Variants in CNOT9 observed in about 807,000 individuals in gnomAD.
CNOT9 encodes CCR4-NOT transcription complex subunit 9, also known as RCD1 required for cell differentiation1 homolog.
In CNOT9, 8 loss-of-function variants were observed where a neutral mutation model predicts 37.4. That is an observed-to-expected ratio of 0.21 (90% confidence interval 0.13 to 0.39). CNOT9 has a LOEUF of 0.39. CNOT9 is among the 10% of genes least tolerant of loss of function. The pLI, the probability that CNOT9 is intolerant of heterozygous loss-of-function variation, is 1.00. For synonymous variants in CNOT9, 120 were observed against 137.6 expected, an observed-to-expected ratio of 0.87 and a Z score of 0.90; for missense variants, 154 against 365.3, an observed-to-expected ratio of 0.42 and a Z score of 4.71.
At chr2:218,569,206 G>C (rs1426921273) in intron 1 of CNOT9, among the ~76,000 whole-genome samples, 1 of 152,138 alleles carries the variant, frequency 6.6e-6, no homozygotes, top group Non-Finnish European at 1.5e-5. Context: ...CGTTCTTTGC[G>C]GGCGCCGGGG....
At chr2:218,588,588 C>CTTTTT (rs1172484260) in intron 5 of CNOT9, among the ~76,000 whole-genome samples, 2,086 of 33,446 alleles carry the variant, frequency 0.062, 711 homozygotes, top group African/African-American at 0.11. Context: ...TCCACCCGGC[C>CTTTTT]TTTTTTTTTT....
chr2:218,595,497 G>A lies in CNOT9; in HGVS notation c.*1221G>A, dbSNP rs540931868. The A allele has an allele frequency of 1.6e-5, 2 of 128,150 alleles. No homozygotes were observed. The highest frequency in any genetic ancestry group is 3.1e-5 in the Non-Finnish European group (2 of 64,264). 7.9% of individuals were successfully genotyped at this position (128,150 alleles called of 1,614,324 possible). On this transcript the variant is annotated 3_prime_UTR_variant, in exon 8 of 8. Transcript: ENST00000273064. ...GCTAAAATATTCACTTGTTCATATC[G>A]TGTCAGAGATTTCCTCTTCTCTGGA... is the stretch of plus-strand genomic sequence containing the variant.
In CNOT9 at chr2:218,569,013, T is replaced by G. The variant is rs567417580; in HGVS notation, c.24+35T>G. 2.5e-5 allele frequency: 40 copies of G among 1,609,544 alleles called. No homozygotes were observed. In the South Asian group the frequency reaches 4.0e-4, roughly 16 times the overall value. On this transcript the variant is annotated intron_variant, in intron 1 of 7. Coordinates refer to ENST00000273064, the MANE Select transcript of CNOT9 (RefSeq NM_005444.3). ...TGGGCCCCCAGGCTTGGAACCAGAATCCTTTCTCAGACCCACGTTTCGGCC... is the reference window on the plus strand; with the variant it reads ...TGGGCCCCCAGGCTTGGAACCAGAAGCCTTTCTCAGACCCACGTTTCGGCC...
At chr2:218,581,089 G>A (rs1694357054) in intron 2 of CNOT9, 1 of 468,452 alleles carries the variant, frequency 2.1e-6, no homozygotes, top group Non-Finnish European at 4.3e-6. Flanking sequence ...GGAGGAAGGT[G>A]GAAAGTAGAG....
intron 1 of CNOT9, among the ~76,000 whole-genome samples, chr2:218,579,999 T>G (rs973667199): frequency 6.9e-6 from 1 of 145,650 alleles, no homozygotes; most frequent in East Asian, 2.1e-4. Context: ...TTTTTTTTTT[T>G]GCTCTGTCGC....
Position 218,582,960 on chromosome 2 carries a change from C to T in CNOT9, c.205-11C>T. 1 of 1,488,008 alleles carries T rather than the reference C, an allele frequency of 6.7e-7. No homozygotes were observed. Among genetic ancestry groups the T allele is most frequent in the African/African-American group, 1.4e-5 (1 of 71,872 alleles). 92.2% of individuals were successfully genotyped at this position (1,488,008 alleles called of 1,614,324 possible). A position where few individuals can be genotyped will look rare whatever the true frequency, so the allele number is the denominator to read the frequency against. The stretch of plus-strand genomic sequence containing the variant: ...TTCCTTATTCATCTGATGCTGATTT[C>T]CATTTTTTAGGAAATTGTAAATATT... On this transcript the variant is annotated splice_polypyrimidine_tract_variant and intron_variant, in intron 2 of 7. Coordinates refer to ENST00000273064, the MANE Select transcript of CNOT9 (RefSeq NM_005444.3).
chr2:218,590,054 G>GT lies in CNOT9; in HGVS notation c.541-2239dup, dbSNP rs71064464. On this transcript the variant is annotated intron_variant, in intron 5 of 7. Coordinates refer to ENST00000273064, the MANE Select transcript of CNOT9 (RefSeq NM_005444.3). ...GTTGGTAGAAATATTGCTTTTTTCTGTTTTTTTTTTTGTTGTTGTTGTTTT... is the reference window on the plus strand; with the variant it reads ...GTTGGTAGAAATATTGCTTTTTTCTGTTTTTTTTTTTTGTTGTTGTTGTTTT... 1.9e-3 allele frequency among the ~76,000 whole-genome samples: 275 copies of GT among 146,978 alleles called. 1 individual carries two copies. The highest frequency in any genetic ancestry group is 3.2e-3 in the African/African-American group (125 of 39,548).
At chr2:218,569,242 A>T (rs978308730) in intron 1 of CNOT9, among the ~76,000 whole-genome samples, 3 of 152,118 alleles carry the variant, frequency 2.0e-5, no homozygotes, top group Non-Finnish European at 4.4e-5. Context: ...GTAGCAGGCC[A>T]TTCATTGATT....
intron 2 of CNOT9, among the ~76,000 whole-genome samples, chr2:218,582,685 G>A (rs71415845): frequency 0.04 from 6,029 of 150,358 alleles, 157 homozygotes; most frequent in East Asian, 0.12. Flanking sequence ...GCGAGACTCC[G>A]TCTCAAAAAA....
intron 3 of CNOT9, 37 bp from the exon 4 acceptor site, chr2:218,584,575 A>G (rs901321421): frequency 2.1e-6 from 3 of 1,454,048 alleles, no homozygotes; most frequent in East Asian, 4.5e-5. Context: ...TTAGAAATCA[A>G]CCCTGGGCTG....
intron 4 of CNOT9, 101 bp from the exon 5 acceptor site, chr2:218,587,485 C>T: frequency 2.3e-6 from 3 of 1,319,910 alleles, no homozygotes; most frequent in South Asian, 4.9e-5. Flanking sequence ...AGTTTGTGTT[C>T]TGTTATTTAA....
intron 1 of CNOT9, among the ~76,000 whole-genome samples, chr2:218,571,990 A>G (rs1694013086): frequency 6.6e-6 from 1 of 152,118 alleles, no homozygotes; most frequent in African/African-American, 2.4e-5. Context: ...ATAAGGACAG[A>G]AGTACCACAC....
At chr2:218,588,588 CTTTTTTTTTTTTTT>C (rs1172484260) in intron 5 of CNOT9, among the ~76,000 whole-genome samples, 2 of 33,450 alleles carry the variant, frequency 6.0e-5, no homozygotes, top group Admixed American at 5.8e-4. Context: ...TCCACCCGGC[CTTTTTTTTTTTTTT>C]TTTTTTTTTT....
chr2:218,580,761 G>T (rs893744801), intron 2 of CNOT9, 21 bp downstream of exon 2: 1 of 1,603,356 alleles, frequency 6.2e-7, no homozygotes, highest in Non-Finnish European at 8.5e-7. Context: ...GTCCATGATT[G>T]GCAGTTCAGT....
intron 5 of CNOT9, 119 bp downstream of exon 5, chr2:218,587,814 AT>A: frequency 2.1e-6 from 1 of 465,816 alleles, no homozygotes; most frequent in Non-Finnish European, 3.6e-6. Context: ...TCTGTTTTGA[AT>A]AAAAATTATT....
chr2:218,587,641 A>T lies in CNOT9; in HGVS notation c.486A>T (p.Glu162Asp). 6.2e-7 allele frequency: 1 copy of T among 1,609,866 alleles called. No homozygotes were observed. Among genetic ancestry groups the T allele is most frequent in the Non-Finnish European group, 8.5e-7 (1 of 1,177,842 alleles). Residue 162 changes from glutamate (E) to aspartate (D), a missense_variant, in exon 5 of 8, where the codon GAA (glutamate) becomes GAT (aspartate). By Grantham distance (45) the Glu-to-Asp change is conservative. This residue lies in a region of CNOT9 where 117 missense variants were observed against 325.4 expected (regional missense o/e 0.36). Coordinates refer to ENST00000273064, the MANE Select transcript of CNOT9 (RefSeq NM_005444.3). ...QEVINFLLTT[E>D]IIPLCLRIME... is the part of the protein sequence containing the mutation. The stretch of plus-strand genomic sequence containing the variant: ...TAATCAACTTTTTATTAACAACAGA[A>T]ATTATCCCTTTATGTTTGCGAATTA...
intron 5 of CNOT9, among the ~76,000 whole-genome samples, chr2:218,589,995 TGGGGAAA>T (rs1694720599): frequency 6.6e-6 from 1 of 152,070 alleles, no homozygotes. Context: ...GAACATTGAC[TGGGGAAA>T]GGTACAAGGG....
At chr2:218,583,217 GTGTGTGTGTGTGTGTGTCTCTCTCTC>G (rs1694461058) in intron 3 of CNOT9, 131 bp downstream of exon 3, 8 of 382,426 alleles carry the variant, frequency 2.1e-5, no homozygotes, top group Non-Finnish European at 3.2e-5. Context: ...GTGTGTGTGT[GTGTGTGTGTGTGTGTGTCTCTCTCTC>G]TCTCTCTCTC....
At position 218,568,987 on chromosome 2, in the gene CNOT9, C is replaced by G. The variant is rs1353364570; in HGVS notation, c.24+9C>G. The stretch of plus-strand genomic sequence containing the variant: ...GCCTGGCGACGGCTGCGGTGAGTGG[C>G]TGGGCCCCCAGGCTTGGAACCAGAA... On this transcript the variant is annotated intron_variant, in intron 1 of 7. Transcript: ENST00000273064. The G allele has an allele frequency of 1.9e-6, 3 of 1,611,366 alleles. No homozygotes were observed. Among genetic ancestry groups the G allele is most frequent in the Non-Finnish European group, 2.5e-6 (3 of 1,178,880 alleles).
Sources: gnomAD v4.1 joint callset for allele counts (sites outside exome capture counted in the v4.1 genomes callset) on GRCh38, gnomAD v4.1.1 for gene constraint, gnomAD v4.1.1 regional missense constraint, MANE v1.5 for transcripts, NCBI Gene and HGNC (gene_info 2026-07-23, HGNC 2026-07-21) for gene names.